Variants in DIAPH3 observed in about 807,000 individuals in gnomAD.
DIAPH3 encodes the protein protein diaphanous homolog 3.
Under a neutral mutation model 144.3 loss-of-function variants are expected in DIAPH3, and 117 were observed. The ratio of observed to expected loss-of-function variants is 0.81; its 90% CI spans 0.70 to 0.95. DIAPH3 has a LOEUF of 0.95. DIAPH3 is among the 40% of genes least tolerant of loss of function. DIAPH3 has a pLI of 0.00. For missense variants in DIAPH3, 1,421 were observed against 1,412.7 expected (o/e 1.01, Z -0.09); for synonymous variants, 519 against 488.9 (o/e 1.06, Z -0.81).
chr13:59,929,601 C>T lies in DIAPH3; in HGVS notation c.2075-4731G>A, dbSNP rs1224855359. 3.3e-4 allele frequency among the ~76,000 whole-genome samples: 39 copies of T among 119,918 alleles called. No homozygotes were observed. The Admixed American group carries it at 3.7e-3, about 11-fold the overall frequency. The allele number at this position is 119,918 out of a possible 152,430, so 78.7% of individuals were successfully genotyped here. Reference sequence around the variant, plus strand: ...TTTTTGAGATAGAGTCTTGCTCTGTCGCCCAGGCCAGAGTGCAGCGGTGTG... The same window carrying T: ...TTTTTGAGATAGAGTCTTGCTCTGTTGCCCAGGCCAGAGTGCAGCGGTGTG... On this transcript the variant is annotated intron_variant, in intron 17 of 27. Transcript: ENST00000400324.
chr13:59,884,970 A>C (rs2045340520), intron 20 of DIAPH3, among the ~76,000 whole-genome samples: 1 of 152,188 alleles, frequency 6.6e-6, no homozygotes, highest in African/African-American at 2.4e-5. Flanking sequence ...AGGTAAAGCC[A>C]AGGCTTGTAC....
chr13:59,976,817 A>C (rs2050703220), intron 14 of DIAPH3, among the ~76,000 whole-genome samples: 1 of 151,838 alleles, frequency 6.6e-6, no homozygotes, highest in Admixed American at 6.6e-5. Context: ...CAGACTACAA[A>C]TCAGTCCATG....
rs1438779644 is a variant in DIAPH3 at position 59,749,258 on chromosome 13, C to T, written c.3319+24931G>A. Among the ~76,000 whole-genome samples the T allele has an allele frequency of 3.5e-5, 5 of 142,478 alleles. No individual in the cohort carries two copies. In the East Asian group the frequency reaches 6.2e-4, roughly 18 times the overall value. The allele number at this position is 142,478 out of a possible 152,430, so 93.5% of individuals were successfully genotyped here. ...AAGTACGGCCGGGTGCAGTGGCTCACGCCTGTAATCCCAGCACTTTGGGAG... is the reference window on the plus strand; with the variant it reads ...AAGTACGGCCGGGTGCAGTGGCTCATGCCTGTAATCCCAGCACTTTGGGAG... On this transcript the variant is annotated intron_variant, in intron 27 of 27. Coordinates refer to ENST00000400324, the MANE Select transcript of DIAPH3 (RefSeq NM_001042517.2).
At position 60,087,273 on chromosome 13, in the gene DIAPH3, A is replaced by G. The variant is rs377201168; in HGVS notation, c.495+6355T>C. On this transcript the variant is annotated intron_variant, in intron 4 of 27. Coordinates refer to ENST00000400324, the MANE Select transcript of DIAPH3 (RefSeq NM_001042517.2). ...ATATATGACTGATTTTTCTCAAAAC[A>G]TAGTTCTTTTCTGATCAAGATACGC... Among the ~76,000 whole-genome samples the G allele has an allele frequency of 3.3e-3, 502 of 152,316 alleles. 2 individuals carry two copies. The highest frequency in any genetic ancestry group is 0.011 in the African/African-American group (462 of 41,576).
intron 27 of DIAPH3, among the ~76,000 whole-genome samples, chr13:59,770,483 G>C (rs1015010145): frequency 7.2e-5 from 11 of 152,252 alleles, no homozygotes; most frequent in African/African-American, 2.4e-4. Context: ...TCAGGGCAGT[G>C]TGTATTATAA....
chr13:60,070,946 G>A (rs534124690), intron 4 of DIAPH3, among the ~76,000 whole-genome samples: 1 of 152,256 alleles, frequency 6.6e-6, no homozygotes, highest in South Asian at 2.1e-4. Context: ...TGAAATTGAT[G>A]TATAATTGAC....
chr13:59,963,171 G>C (rs1364462611), intron 17 of DIAPH3, among the ~76,000 whole-genome samples: 2 of 152,082 alleles, frequency 1.3e-5, no homozygotes, highest in African/African-American at 2.4e-5. Context: ...CTCTAACCTG[G>C]CTTACCTACT....
intron 25 of DIAPH3, among the ~76,000 whole-genome samples, chr13:59,775,129 C>A (rs1447602947): frequency 6.6e-6 from 1 of 152,158 alleles, no homozygotes; most frequent in Non-Finnish European, 1.5e-5. Flanking sequence ...TGGTTCTAGT[C>A]ATGTTTGAGT....
At chr13:59,891,364 G>C (rs1008032592) in intron 20 of DIAPH3, among the ~76,000 whole-genome samples, 7 of 151,412 alleles carry the variant, frequency 4.6e-5, no homozygotes, top group Admixed American at 3.9e-4. Context: ...TAAGCAGATT[G>C]TGCCATAAAA....
chr13:60,029,559 C>T (rs986122914), intron 5 of DIAPH3, among the ~76,000 whole-genome samples: 2 of 152,138 alleles, frequency 1.3e-5, no homozygotes, highest in Non-Finnish European at 2.9e-5. Context: ...GATCTGATGG[C>T]TTTATAAGGG....
At chr13:59,671,938 A>G (rs913612363) in intron 27 of DIAPH3, among the ~76,000 whole-genome samples, 1 of 152,236 alleles carries the variant, frequency 6.6e-6, no homozygotes, top group Non-Finnish European at 1.5e-5. Context: ...GGCAGAGTAT[A>G]GATTTGGATG....
At chr13:60,009,636 C>T (rs1393497493) in intron 8 of DIAPH3, among the ~76,000 whole-genome samples, 1 of 152,166 alleles carries the variant, frequency 6.6e-6, no homozygotes, top group Non-Finnish European at 1.5e-5. Flanking sequence ...TGTGGCAACA[C>T]CTCTTCTATA....
At chr13:59,871,857 T>A (rs560600100) in intron 21 of DIAPH3, among the ~76,000 whole-genome samples, 3 of 152,312 alleles carry the variant, frequency 2.0e-5, no homozygotes, top group Admixed American at 2.0e-4. Context: ...TTCATCTAGG[T>A]TATCACATTT....
At chr13:60,121,386 G>T (rs947540581) in intron 2 of DIAPH3, among the ~76,000 whole-genome samples, 11 of 152,140 alleles carry the variant, frequency 7.2e-5, no homozygotes, top group African/African-American at 2.4e-4. Flanking sequence ...ACACCTGGTA[G>T]GTGGGTACAG....
intron 17 of DIAPH3, among the ~76,000 whole-genome samples, chr13:59,957,571 TTA>T (rs1454884454): frequency 6.6e-6 from 1 of 152,148 alleles, no homozygotes; most frequent in Non-Finnish European, 1.5e-5. Context: ...GAACAGACAA[TTA>T]TAGTTACCAT....
intron 3 of DIAPH3, among the ~76,000 whole-genome samples, chr13:60,100,829 T>C (rs960033994): frequency 6.6e-6 from 1 of 151,792 alleles, no homozygotes; most frequent in Non-Finnish European, 1.5e-5. Context: ...AAGAGGTTTG[T>C]AGAATATTCG....
chr13:59,891,026 T>C (rs551459999), intron 20 of DIAPH3, among the ~76,000 whole-genome samples: 273 of 152,142 alleles, frequency 1.8e-3, no homozygotes, highest in African/African-American at 6.3e-3. Context: ...AACAAAATTG[T>C]CTAACTTCAG....
intron 2 of DIAPH3, among the ~76,000 whole-genome samples, chr13:60,121,544 C>T (rs1383127664): frequency 6.6e-6 from 1 of 152,086 alleles, no homozygotes; most frequent in East Asian, 1.9e-4. Flanking sequence ...GTTTATGCTT[C>T]AAAGAGAGCT....
intron 17 of DIAPH3, among the ~76,000 whole-genome samples, chr13:59,964,595 C>A (rs565350136): frequency 6.6e-6 from 1 of 152,206 alleles, no homozygotes; most frequent in South Asian, 2.1e-4. Flanking sequence ...TGGCTCCAAG[C>A]TAAATAAATC....
Sources: gnomAD v4.1 joint callset for allele counts (sites outside exome capture counted in the v4.1 genomes callset) on GRCh38, gnomAD v4.1.1 for gene constraint, MANE v1.5 for transcripts, NCBI Gene and HGNC (gene_info 2026-07-23, HGNC 2026-07-21) for gene names.